TDRD15: variants seen among roughly 807,000 people sequenced by gnomAD.
TDRD15 encodes the protein tudor domain-containing protein 15.
For missense variants in TDRD15, 1,416 were observed against 904.7 expected (o/e 1.57, Z -7.25); for synonymous variants, 503 against 314.5 (o/e 1.60, Z -6.34).
At chr2:21,146,456 A>T (rs987498605), downstream of TDRD15, among the ~76,000 whole-genome samples, 1 of 151,928 alleles carries the variant, frequency 6.6e-6, no homozygotes, top group Non-Finnish European at 1.5e-5. Context: ...TCCAGAACAA[A>T]CTTGTTAGTC....
intron 2 of TDRD15, among the ~76,000 whole-genome samples, chr2:21,134,511 A>T (rs942635415): frequency 2.0e-5 from 3 of 151,928 alleles, no homozygotes; most frequent in Admixed American, 6.6e-5. Context: ...ATACTGTGCT[A>T]TCAAACATCA....
chr2:21,144,679 T>G (rs1452028155), downstream of TDRD15, among the ~76,000 whole-genome samples: 1 of 151,954 alleles, frequency 6.6e-6, no homozygotes, highest in Non-Finnish European at 1.5e-5. Flanking sequence ...CTACAAAGTA[T>G]GTTGATATAA....
intron 2 of TDRD15, among the ~76,000 whole-genome samples, chr2:21,132,818 G>T (rs1272354655): frequency 6.6e-6 from 1 of 151,772 alleles, no homozygotes; most frequent in Non-Finnish European, 1.5e-5. Context: ...TATCTACCTG[G>T]TATTTATTTT....
In TDRD15 at chr2:21,142,227, A is replaced by G; in HGVS notation, c.4760A>G (p.Asn1587Ser). ...TTAGAATGCTTGGCAAAATCTAAAA[A>G]TACCTTGAAATGGCATCGATCAAAA... ...KGLECLAKSK[N>S]TLKWHRSKVE... is the part of the protein sequence containing the mutation. The change falls in exon 4 of 4, where the codon AAT becomes AGT. Residue 1587 changes from asparagine (N) to serine (S), a missense_variant. Physicochemically the swap from Asn to Ser is conservative, Grantham distance 46 (BLOSUM62 1). Coordinates refer to ENST00000405799, the MANE Select transcript of TDRD15 (RefSeq NM_001306137.2). 3 of 693,700 alleles carry G rather than the reference A, an allele frequency of 4.3e-6. No homozygotes were observed. The highest frequency in any genetic ancestry group is 2.7e-5 in the East Asian group (1 of 37,038). 43.0% of individuals were successfully genotyped at this position (693,700 alleles called of 1,614,324 possible).
chr2:21,138,716 G>T lies in TDRD15; in HGVS notation c.1249G>T (p.Val417Leu), dbSNP rs1278972228. 1.4e-6 allele frequency: 1 copy of T among 715,876 alleles called. No individual in the cohort carries two copies. The highest frequency in any genetic ancestry group is 1.7e-5 in the African/African-American group (1 of 57,166). 44.3% of individuals were successfully genotyped at this position (715,876 alleles called of 1,614,324 possible). A position where few individuals can be genotyped will look rare whatever the true frequency, so the allele number is the denominator to read the frequency against. ...TAATTCTAAGTGTCTACTGAAGACT[G>T]TAGGCACACAAGTACTTTGTCCGAT... Reference protein sequence around the residue: ...TVNSKCLLKTVGTQVLCPMSD... With the variant: ...TVNSKCLLKTLGTQVLCPMSD... Residue 417 changes from valine (V) to leucine (L), a missense_variant, in exon 4 of 4, where the codon GTA (valine) becomes TTA (leucine). Coordinates refer to ENST00000405799, the MANE Select transcript of TDRD15 (RefSeq NM_001306137.2).
At chr2:21,128,459 A>G (rs995375951) in intron 2 of TDRD15, among the ~76,000 whole-genome samples, 1 of 151,858 alleles carries the variant, frequency 6.6e-6, no homozygotes, top group African/African-American at 2.4e-5. Context: ...AGTAGCTGGT[A>G]CTACAGGCGC....
At chr2:21,145,008 T>C (rs148586348), downstream of TDRD15, among the ~76,000 whole-genome samples, 100 of 151,994 alleles carry the variant, frequency 6.6e-4, 1 homozygote, top group Non-Finnish European at 8.8e-4. Context: ...ATCTAACATA[T>C]GTCTTTCTCC....
intron 2 of TDRD15, among the ~76,000 whole-genome samples, chr2:21,131,501 T>C (rs1254449508): frequency 2.6e-5 from 4 of 152,232 alleles, no homozygotes; most frequent in Admixed American, 6.5e-5. Context: ...TCTTCAGTTA[T>C]ATGAAAAAGC....
Position 21,142,621 on chromosome 2 carries a change from A to G in TDRD15, c.5154A>G (p.Ser1718=), listed in dbSNP as rs901581174. Residue 1718 remains serine, a synonymous_variant, in exon 4 of 4, where the codon TCA becomes TCG. Transcript: ENST00000405799. The part of the protein sequence containing the change: ...YNIESKTPVS[S]CTIKSFTWVQ... ...TTGAATCTAAGACTCCTGTATCATC[A>G]TGCACAATAAAATCATTTACTTGGG... The G allele has an allele frequency of 4.2e-6, 3 of 712,892 alleles. No individual in the cohort carries two copies. Among genetic ancestry groups the G allele is most frequent in the Admixed American group, 2.0e-5 (1 of 49,572 alleles). 44.2% of individuals were successfully genotyped at this position (712,892 alleles called of 1,614,324 possible). A position where few individuals can be genotyped will look rare whatever the true frequency, so the allele number is the denominator to read the frequency against.
chr2:21,142,313 G>T lies in TDRD15; in HGVS notation c.4846G>T (p.Glu1616Ter). ...TTTTTTAGTAGATTGTGGTATCTAT[G>T]AAATAGTACCTGTATGTAATACCAA... ...LVFLVDCGIYEIVPVCNTKLL... is the reference protein window; with the variant it reads ...LVFLVDCGIY Residue 1616 changes from glutamate to a stop codon, truncating the protein, a stop_gained, in exon 4 of 4, where the codon GAA becomes TAA. Transcript: ENST00000405799. LOFTEE classifies it low-confidence loss of function (END_TRUNC). 1.5e-6 allele frequency: 1 copy of T among 689,056 alleles called. No homozygotes were observed. The highest frequency in any genetic ancestry group is 2.7e-5 in the East Asian group (1 of 37,048). The allele number at this position is 689,056 out of a possible 1,614,324, so 42.7% of individuals were successfully genotyped here. A position where few individuals can be genotyped will look rare whatever the true frequency, so the allele number is the denominator to read the frequency against.
At chr2:21,135,455 C>A (rs1349806285) in intron 3 of TDRD15, among the ~76,000 whole-genome samples, 1 of 151,696 alleles carries the variant, frequency 6.6e-6, no homozygotes, top group East Asian at 1.9e-4. Context: ...CACATGGGAC[C>A]TAAAATTTTC....
Position 21,140,321 on chromosome 2 carries a change from TAC to T in TDRD15, c.2856_2857del (p.Tyr952Ter). 1.4e-6 allele frequency: 1 copy of T among 713,934 alleles called. No homozygotes were observed. Among genetic ancestry groups the T allele is most frequent in the African/African-American group, 1.7e-5 (1 of 57,184 alleles). 44.2% of individuals were successfully genotyped at this position (713,934 alleles called of 1,614,324 possible). On this transcript the variant is annotated frameshift_variant, in exon 4 of 4. Coordinates refer to ENST00000405799, the MANE Select transcript of TDRD15 (RefSeq NM_001306137.2). LOFTEE classifies it low-confidence loss of function (END_TRUNC). ...GACATTCCCATCTTTATTTAGTCTTTACAGTTACTGTTATTCTTCCTTTAATA... is the reference window on the plus strand; with the variant it reads ...GACATTCCCATCTTTATTTAGTCTTTAGTTACTGTTATTCTTCCTTTAATA... ...SETFPSLFSL[Y>X]SYCYSSFNIQ... is the part of the protein sequence containing the mutation.
At chr2:21,128,139 C>T (rs772032666) in intron 2 of TDRD15, among the ~76,000 whole-genome samples, 12 of 152,064 alleles carry the variant, frequency 7.9e-5, no homozygotes, top group Non-Finnish European at 1.6e-4. Context: ...TCATTCTCCA[C>T]GTATTTGTTT....
chr2:21,125,274 CTG>C (rs869213732), intron 1 of TDRD15, among the ~76,000 whole-genome samples: 3 of 128,506 alleles, frequency 2.3e-5, no homozygotes, highest in African/African-American at 7.7e-5. Context: ...GTTCTAGCGT[CTG>C]TGTGTGAGAG....
intron 2 of TDRD15, 70 bp from the exon 3 acceptor site, chr2:21,134,692 C>T (rs1214926615): frequency 6.6e-6 from 1 of 151,978 alleles, no homozygotes; most frequent in South Asian, 2.1e-4. Context: ...TTGCATTTTA[C>T]ATTTTAAGAT....
At chr2:21,146,070 A>G (rs936774454), downstream of TDRD15, among the ~76,000 whole-genome samples, 1 of 152,014 alleles carries the variant, frequency 6.6e-6, no homozygotes, top group African/African-American at 2.4e-5. Context: ...ATGCACAGCT[A>G]AGGTTGATAA....
In TDRD15 at chr2:21,138,454, C is replaced by T. The variant is rs558646988; in HGVS notation, c.987C>T (p.Ser329=). Residue 329 remains serine, a synonymous_variant, in exon 4 of 4, where the codon AGC becomes AGT. Coordinates refer to ENST00000405799, the MANE Select transcript of TDRD15 (RefSeq NM_001306137.2). The part of the protein sequence containing the change: ...VKIWFMDYGS[S]EAIPSIYVKK... ...TTTGGTTTATGGATTATGGCAGTAG[C>T]GAGGCTATACCCTCAATTTATGTAA... is the stretch of plus-strand genomic sequence containing the variant. 3.5e-5 allele frequency: 25 copies of T among 714,060 alleles called. No homozygotes were observed. The highest frequency in any genetic ancestry group is 7.5e-5 in the South Asian group (5 of 66,922). The allele number at this position is 714,060 out of a possible 1,614,324, so 44.2% of individuals were successfully genotyped here.
intron 1 of TDRD15, among the ~76,000 whole-genome samples, chr2:21,126,594 G>A (rs1334378382): frequency 1.3e-5 from 2 of 152,244 alleles, no homozygotes; most frequent in Middle Eastern, 3.4e-3. Flanking sequence ...TTGAACTCCC[G>A]ACCTCAGGTG....
In TDRD15 at chr2:21,141,782, G is replaced by T; in HGVS notation, c.4315G>T (p.Val1439Phe). The T allele has an allele frequency of 1.4e-6, 1 of 713,764 alleles. No individual in the cohort carries two copies. The highest frequency in any genetic ancestry group is 2.6e-6 in the Non-Finnish European group (1 of 383,112). The allele number at this position is 713,764 out of a possible 1,614,324, so 44.2% of individuals were successfully genotyped here. ...TACTTCGAAAGTACATAACAAAACA[G>T]TTTATTGTGAATTTTTGAAAAAGCA... ...YFTSKVHNKT[V>F]YCEFLKKHDQ... Residue 1439 changes from valine to phenylalanine, a missense_variant, in exon 4 of 4, where the codon GTT (valine) becomes TTT (phenylalanine). By Grantham distance (50) the Val-to-Phe change is conservative. Coordinates refer to ENST00000405799, the MANE Select transcript of TDRD15 (RefSeq NM_001306137.2).
Sources: allele counts gnomAD v4.1 joint callset (sites outside exome capture counted in the v4.1 genomes callset), GRCh38; gene constraint gnomAD v4.1.1; transcripts MANE v1.5; gene names NCBI Gene and HGNC (gene_info 2026-07-23, HGNC 2026-07-21).